The following TMEM232 variants were observed in gnomAD, a reference collection of about 807,000 sequenced individuals.
TMEM232 encodes the protein transmembrane protein 232.
In TMEM232, 80 loss-of-function variants were observed where a neutral mutation model predicts 78.8. The ratio of observed to expected loss-of-function variants is 1.01; its 90% CI spans 0.85 to 1.22. The LOEUF (loss-of-function observed/expected upper bound fraction) is 1.22, where lower values mean the gene tolerates loss of function less well. Ranked by LOEUF, TMEM232 falls within the 50% of genes most tolerant of loss-of-function variation. The pLI, the probability that TMEM232 is intolerant of heterozygous loss-of-function variation, is 0.00. For missense variants in TMEM232, 881 were observed against 742.2 expected (o/e 1.19, Z -2.17); for synonymous variants, 297 against 254.3 (o/e 1.17, Z -1.60).
intron 1 of TMEM232, among the ~76,000 whole-genome samples, chr5:110,707,603 C>T (rs747981269): frequency 3.9e-5 from 6 of 152,190 alleles, no homozygotes; most frequent in Non-Finnish European, 7.3e-5. Context: ...CTGCAATTCC[C>T]AGGCAACAAC....
chr5:110,396,505 T>C (rs1172099066), intron 3 of TMEM232, among the ~76,000 whole-genome samples: 2 of 152,194 alleles, frequency 1.3e-5, no homozygotes, highest in Non-Finnish European at 2.9e-5. Context: ...AGACATGGCA[T>C]AGAGATGTGA....
intron 5 of TMEM232, among the ~76,000 whole-genome samples, 187 bp downstream of exon 5, chr5:110,638,011 A>G (rs1472248078): frequency 6.6e-6 from 1 of 152,120 alleles, no homozygotes; most frequent in Non-Finnish European, 1.5e-5. Flanking sequence ...TATTTTCTCA[A>G]ACTATCTCCA....
intron 12 of TMEM232, 105 bp from the exon 13 acceptor site, chr5:110,425,021 C>A: frequency 1.2e-6 from 1 of 850,024 alleles, no homozygotes; most frequent in Non-Finnish European, 1.8e-6. Flanking sequence ...CATTTTGATT[C>A]TTCATTGTTA....
chr5:110,576,124 T>A (rs1777547419), intron 10 of TMEM232, among the ~76,000 whole-genome samples: 1 of 152,022 alleles, frequency 6.6e-6, no homozygotes, highest in African/African-American at 2.4e-5. Flanking sequence ...TGATCCTACT[T>A]TTTGAAAACC....
intron 12 of TMEM232, among the ~76,000 whole-genome samples, chr5:110,446,674 T>C (rs1759681818): frequency 6.6e-6 from 1 of 152,214 alleles, no homozygotes; most frequent in African/African-American, 2.4e-5. Context: ...ACCACTGTTT[T>C]ATTCCATAAG....
intron 5 of TMEM232, 74 bp from the exon 6 acceptor site, chr5:110,627,954 C>A: frequency 1.0e-6 from 1 of 997,748 alleles, no homozygotes; most frequent in Non-Finnish European, 1.5e-6. Flanking sequence ...GAAAAATCAA[C>A]CATTATATTA....
At chr5:110,526,944 G>T (rs865920714) in intron 12 of TMEM232, among the ~76,000 whole-genome samples, 1 of 151,758 alleles carries the variant, frequency 6.6e-6, no homozygotes, top group South Asian at 2.1e-4. Context: ...AATGACAAAT[G>T]CAAGATGCCA....
intron 8 of TMEM232, 92 bp downstream of exon 8, chr5:110,618,337 G>A: frequency 6.9e-7 from 1 of 1,456,774 alleles, no homozygotes. Flanking sequence ...AGTCAACTGA[G>A]GTGTGATTAA....
intron 2 of TMEM232, among the ~76,000 whole-genome samples, chr5:110,651,670 C>T (rs1044796306): frequency 6.6e-6 from 1 of 152,038 alleles, no homozygotes; most frequent in Non-Finnish European, 1.5e-5. Flanking sequence ...ACTGAGACTG[C>T]TGTTCAGAGA....
intron 1 of TMEM232, among the ~76,000 whole-genome samples, chr5:110,710,168 A>C (rs1796322780): frequency 6.6e-6 from 1 of 152,132 alleles, no homozygotes; most frequent in Admixed American, 6.5e-5. Flanking sequence ...ATCTAGAGGA[A>C]GTAAATTGCT....
At chr5:110,672,533 T>C (rs1198015069) in intron 1 of TMEM232, among the ~76,000 whole-genome samples, 2 of 151,974 alleles carry the variant, frequency 1.3e-5, no homozygotes, top group African/African-American at 2.4e-5. Flanking sequence ...CTAAGAGTAA[T>C]GGGAAAAAAT....
rs1767283327 is a variant in TMEM232, at chr5:110,508,832, CTAATTATATATATATA to C, written c.1703+19740_1703+19755del. 2.8e-5 allele frequency among the ~76,000 whole-genome samples: 4 copies of C among 140,788 alleles called. No individual in the cohort carries two copies. The South Asian group carries it at 6.4e-4, about 23-fold the overall frequency. The allele number at this position is 140,788 out of a possible 152,430, so 92.4% of individuals were successfully genotyped here. A position where few individuals can be genotyped will look rare whatever the true frequency, so the allele number is the denominator to read the frequency against. ...ATTGAGGAAATACACAATGCCACTG[CTAATTATATATATATA>C]TAATTATATATATATATACACACAC... On this transcript the variant is annotated intron_variant, in intron 12 of 13. Coordinates refer to ENST00000455884, the MANE Select transcript of TMEM232 (RefSeq NM_001039763.4).
intron 2 of TMEM232, among the ~76,000 whole-genome samples, chr5:110,663,742 T>C (rs1790129605): frequency 7.9e-6 from 1 of 126,500 alleles, no homozygotes; most frequent in Non-Finnish European, 1.7e-5. Flanking sequence ...TGTGTGTGTG[T>C]GTATGTGTGT....
chr5:110,399,815 G>C (rs950959460), intron 2 of TMEM232, among the ~76,000 whole-genome samples: 4 of 152,102 alleles, frequency 2.6e-5, no homozygotes, highest in African/African-American at 9.7e-5. Flanking sequence ...TTCCTTACCA[G>C]ATTGCCACCT....
At chr5:110,652,294 GCACA>G (rs70999969) in intron 2 of TMEM232, among the ~76,000 whole-genome samples, 3 of 145,360 alleles carry the variant, frequency 2.1e-5, no homozygotes, top group African/African-American at 5.2e-5. Context: ...GCACGCGCGC[GCACA>G]CACACACACA....
intron 1 of TMEM232, among the ~76,000 whole-genome samples, chr5:110,700,778 A>ATAGGTAGG (rs1351809939): frequency 2.4e-5 from 3 of 125,628 alleles, no homozygotes; most frequent in South Asian, 4.9e-4. Flanking sequence ...AGGTAGATAG[A>ATAGGTAGG]TAGATAGGTA....
At chr5:110,428,401 T>A (rs1402969657) in intron 12 of TMEM232, among the ~76,000 whole-genome samples, 1 of 151,770 alleles carries the variant, frequency 6.6e-6, no homozygotes, top group Non-Finnish European at 1.5e-5. Context: ...TATTCTCCCA[T>A]CCTCTTGGTA....
At chr5:110,542,597 A>G (rs947209662) in intron 11 of TMEM232, among the ~76,000 whole-genome samples, 6 of 152,084 alleles carry the variant, frequency 3.9e-5, no homozygotes, top group Non-Finnish European at 7.4e-5. Flanking sequence ...GTTACAGAAG[A>G]AAGACCATCG....
intron 12 of TMEM232, among the ~76,000 whole-genome samples, chr5:110,427,199 C>T (rs1411492168): frequency 1.1e-4 from 17 of 151,888 alleles, no homozygotes; most frequent in Admixed American, 1.1e-3. Context: ...AAAGCAAATT[C>T]TGGTTTTACT....
Sources: allele counts gnomAD v4.1 joint callset (sites outside exome capture counted in the v4.1 genomes callset), GRCh38; gene constraint gnomAD v4.1.1; transcripts MANE v1.5; gene names NCBI Gene and HGNC (gene_info 2026-07-23, HGNC 2026-07-21).